CDH18: variants seen among roughly 807,000 people sequenced by gnomAD.
CDH18 encodes the protein cadherin-18.
Under a neutral mutation model 67.9 loss-of-function variants are expected in CDH18, and 31 were observed. That is an observed-to-expected ratio of 0.46 (90% confidence interval 0.34 to 0.62). The LOEUF (loss-of-function observed/expected upper bound fraction) is 0.62, where lower values mean the gene tolerates loss of function less well. CDH18 is among the 20% of genes least tolerant of loss of function. The pLI, the probability that CDH18 is intolerant of heterozygous loss-of-function variation, is 0.01. For synonymous variants in CDH18, 362 were observed against 347.2 expected, an observed-to-expected ratio of 1.04 and a Z score of -0.48; for missense variants, 890 against 975.5, an observed-to-expected ratio of 0.91 and a Z score of 1.17.
intron 3 of CDH18, among the ~76,000 whole-genome samples, chr5:19,811,219 GAA>G (rs898227098): frequency 6.6e-6 from 1 of 150,420 alleles, no homozygotes; most frequent in African/African-American, 2.4e-5. Context: ...AGGAAGGAAA[GAA>G]AAGAAAGAGA....
intron 3 of CDH18, among the ~76,000 whole-genome samples, chr5:19,769,278 G>C (rs1773464146): frequency 6.6e-6 from 1 of 151,960 alleles, no homozygotes; most frequent in Admixed American, 6.6e-5. Flanking sequence ...ACTCCTAGAA[G>C]ACAAAACAAA....
rs1181454381 is a variant in CDH18, at chr5:20,344,874, A to C, written c.-579-89369T>G. ...TAAGTAACATATGGGGCCTATTGAC[A>C]TTCTTTCTCTGGTGTTACCCATATG... is the stretch of plus-strand genomic sequence containing the variant. On this transcript the variant is annotated intron_variant, in intron 1 of 14. Coordinates refer to the CDH18 transcript ENST00000507958. Among the ~76,000 whole-genome samples the C allele has an allele frequency of 2.0e-5, 3 of 152,126 alleles. No homozygotes were observed. In the East Asian group the frequency reaches 5.8e-4, roughly 29 times the overall value.
chr5:20,405,533 A>G (rs1225577705), intron 1 of CDH18, among the ~76,000 whole-genome samples: 1 of 152,210 alleles, frequency 6.6e-6, no homozygotes, highest in Non-Finnish European at 1.5e-5. Context: ...ATGGGCAAGG[A>G]CTTCATGTCT....
At position 20,553,191 on chromosome 5, in the gene CDH18, A is replaced by G. The variant is rs10062664; in HGVS notation, c.-580+22271T>C. On this transcript the variant is annotated intron_variant, in intron 1 of 14. Coordinates refer to the CDH18 transcript ENST00000507958. ...AAACAGCTAACTTTAGTCTGTGGAAAGATTCCAATTCATACGGTGATTTGA... is the reference window on the plus strand; with the variant it reads ...AAACAGCTAACTTTAGTCTGTGGAAGGATTCCAATTCATACGGTGATTTGA... Among the ~76,000 whole-genome samples the G allele has an allele frequency of 8.3e-3, 1,264 of 152,310 alleles. 12 individuals carry two copies. Among genetic ancestry groups the G allele is most frequent in the African/African-American group, 0.022 (928 of 41,570 alleles).
chr5:20,092,312 T>C (rs1020550716), intron 2 of CDH18, among the ~76,000 whole-genome samples: 1 of 152,158 alleles, frequency 6.6e-6, no homozygotes, highest in Non-Finnish European at 1.5e-5. Flanking sequence ...CTGTTTCCCA[T>C]GGTGTTTTAA....
intron 3 of CDH18, among the ~76,000 whole-genome samples, chr5:19,804,573 A>G (rs1229272249): frequency 6.6e-6 from 1 of 152,184 alleles, no homozygotes; most frequent in African/African-American, 2.4e-5. Context: ...CTTCAGGTAT[A>G]TAAGCTCAGA....
At chr5:20,235,529 C>T (rs945236333) in intron 2 of CDH18, among the ~76,000 whole-genome samples, 1 of 152,032 alleles carries the variant, frequency 6.6e-6, no homozygotes, top group African/African-American at 2.4e-5. Flanking sequence ...AAAAAATGTT[C>T]GTCATCACTA....
intron 2 of CDH18, among the ~76,000 whole-genome samples, chr5:20,175,649 T>C (rs1737174894): frequency 6.6e-6 from 1 of 152,156 alleles, no homozygotes; most frequent in Admixed American, 6.6e-5. Context: ...ACTAATATGA[T>C]ATATAGATAC....
At chr5:19,686,559 T>C (rs1285566938) in intron 5 of CDH18, among the ~76,000 whole-genome samples, 3 of 152,142 alleles carry the variant, frequency 2.0e-5, no homozygotes, top group Non-Finnish European at 4.4e-5. Context: ...TACAAATACA[T>C]ACATTTTGTG....
At chr5:19,947,336 C>T (rs1461100975) in intron 2 of CDH18, among the ~76,000 whole-genome samples, 3 of 151,794 alleles carry the variant, frequency 2.0e-5, no homozygotes, top group Non-Finnish European at 4.4e-5. Flanking sequence ...AAATCAAAGG[C>T]TCAAATGTAA....
intron 1 of CDH18, among the ~76,000 whole-genome samples, chr5:20,288,075 AT>A (rs149741266): frequency 2.4e-4 from 35 of 148,476 alleles, no homozygotes; most frequent in Middle Eastern, 3.4e-3. Context: ...TTCTGGGGTC[AT>A]TTTTTTTTTG....
chr5:20,017,012 A>T lies in CDH18; in HGVS notation c.-517-24998T>A, dbSNP rs183900808. Among the ~76,000 whole-genome samples the T allele has an allele frequency of 3.3e-5, 5 of 152,302 alleles. No homozygotes were observed. In the East Asian group the frequency reaches 9.7e-4, roughly 30 times the overall value. ...TCTAGTAAATAGCATGATCAAATAA[A>T]GAGTCTCCACATTAAGTCAAAAATT... On this transcript the variant is annotated intron_variant, in intron 2 of 14. Coordinates refer to the CDH18 transcript ENST00000507958.
chr5:20,008,221 T>C (rs910252546), intron 2 of CDH18, among the ~76,000 whole-genome samples: 1 of 152,154 alleles, frequency 6.6e-6, no homozygotes, highest in African/African-American at 2.4e-5. Flanking sequence ...AATGTTATTA[T>C]GTTTGAGAAT....
intron 2 of CDH18, among the ~76,000 whole-genome samples, chr5:20,226,368 G>A (rs889251318): frequency 3.3e-5 from 5 of 152,010 alleles, no homozygotes; most frequent in Non-Finnish European, 7.4e-5. Context: ...GTGATACTGG[G>A]TGATTATTAT....
chr5:19,772,425 G>C (rs879615784), intron 3 of CDH18, among the ~76,000 whole-genome samples: 1 of 152,068 alleles, frequency 6.6e-6, no homozygotes. Flanking sequence ...GAGAGAGAGA[G>C]AAAGAGTTGA....
intron 2 of CDH18, among the ~76,000 whole-genome samples, chr5:20,106,894 T>G (rs1387572845): frequency 1.3e-5 from 2 of 152,200 alleles, no homozygotes; most frequent in Non-Finnish European, 2.9e-5. Flanking sequence ...ACAAAAATCA[T>G]TCATAAGCTA....
intron 5 of CDH18, among the ~76,000 whole-genome samples, chr5:19,616,611 T>C (rs1185441296): frequency 1.3e-5 from 2 of 152,208 alleles, no homozygotes; most frequent in Non-Finnish European, 2.9e-5. Flanking sequence ...GTTTCCTCAA[T>C]GATCAAATTG....
chr5:19,526,867 C>G (rs988998238), intron 9 of CDH18, among the ~76,000 whole-genome samples: 1 of 151,858 alleles, frequency 6.6e-6, no homozygotes, highest in African/African-American at 2.4e-5. Flanking sequence ...AATGAAAAGA[C>G]TTATCTACTA....
At chr5:20,127,081 A>T (rs1396178098) in intron 2 of CDH18, among the ~76,000 whole-genome samples, 1 of 152,118 alleles carries the variant, frequency 6.6e-6, no homozygotes, top group Non-Finnish European at 1.5e-5. Flanking sequence ...TGCAATCCCC[A>T]ATGTGGAGAA....
Sources: allele counts gnomAD v4.1 joint callset (sites outside exome capture counted in the v4.1 genomes callset), GRCh38; gene constraint gnomAD v4.1.1; transcripts MANE v1.5; gene names NCBI Gene and HGNC (gene_info 2026-07-23, HGNC 2026-07-21).